The following ABCC10 variants were observed in gnomAD, a reference collection of about 807,000 sequenced individuals.
ABCC10 encodes the protein ATP-binding cassette sub-family C member 10.
A neutral mutation model predicts 143.2 loss-of-function variants in ABCC10; 110 were observed. That is an observed-to-expected ratio of 0.77 (90% CI 0.66 to 0.90). The LOEUF (loss-of-function observed/expected upper bound fraction) is 0.90, where lower values mean the gene tolerates loss of function less well. Among genes scored for constraint, ABCC10 ranks in the 40% least tolerant of loss-of-function variants. The probability of loss-of-function intolerance (pLI) is 0.00; values close to 1 mark genes in which losing one functional copy is unlikely to be tolerated. For synonymous variants in ABCC10, 805 were observed against 846.7 expected (o/e 0.95, Z 0.85); for missense variants, 1,700 against 1,900.5 (o/e 0.89, Z 1.96).
chr6:43,443,780 C>T lies in ABCC10; in HGVS notation c.2417-153C>T, dbSNP rs1239692276. ...AGCAGGGTGGGTTAGAGAGGGAGGC[C>T]TAAGAGTCCTGCTCGAGGTCTAGGG... is the stretch of plus-strand genomic sequence containing the variant. On this transcript the variant is annotated intron_variant, in intron 10 of 21. Coordinates refer to ENST00000372530, the MANE Select transcript of ABCC10 (RefSeq NM_001198934.2). The surrounding 1 kb of genome is among the most constrained non-coding windows in gnomAD (Gnocchi z 4.2). The T allele has an allele frequency of 2.7e-6, 2 of 748,600 alleles. No individual in the cohort carries two copies. Among genetic ancestry groups the T allele is most frequent in the Non-Finnish European group, 4.6e-6 (2 of 435,488 alleles). 46.4% of individuals were successfully genotyped at this position (748,600 alleles called of 1,614,324 possible). A position where few individuals can be genotyped will look rare whatever the true frequency, so the allele number is the denominator to read the frequency against.
chr6:43,444,180 A>C lies in ABCC10; in HGVS notation c.2516A>C (p.Asn839Thr). The change falls in exon 12 of 22, where the codon AAC (asparagine) becomes ACC (threonine). Residue 839 changes from asparagine (N) to threonine (T), a missense_variant. By Grantham distance (65) the Asn-to-Thr change is moderately conservative. Coordinates refer to ENST00000372530, the MANE Select transcript of ABCC10 (RefSeq NM_001198934.2). The part of the protein sequence containing the change: ...SDSATAQSVQ[N>T]PEKTKEGLEE... Reference sequence around the variant, plus strand: ...ACAGCCACAGCCCAGTCAGTACAGAACCCAGAGAAAACAAAGGAGGGGCTG... The same window carrying C: ...ACAGCCACAGCCCAGTCAGTACAGACCCCAGAGAAAACAAAGGAGGGGCTG... The C allele has an allele frequency of 5.0e-6, 8 of 1,613,812 alleles. No individual in the cohort carries two copies. The highest frequency in any genetic ancestry group is 6.8e-6 in the Non-Finnish European group (8 of 1,179,846).
Position 43,435,748 on chromosome 6 carries a change from CAG to C in ABCC10, c.1609-2_1609-1del, listed in dbSNP as rs748974023. The C allele has an allele frequency of 6.2e-7, 1 of 1,613,988 alleles. No homozygotes were observed. Among genetic ancestry groups the C allele is most frequent in the Non-Finnish European group, 8.5e-7 (1 of 1,179,896 alleles). On this transcript the variant is annotated splice_acceptor_variant, in intron 4 of 21. Coordinates refer to ENST00000372530, the MANE Select transcript of ABCC10 (RefSeq NM_001198934.2). LOFTEE classifies it high-confidence loss of function. ...GGCTTCACCCTGCACCCACCTCACTCAGGTGTTCACGGCCCTGGCACTGGTGC... is the reference window on the plus strand; with the variant it reads ...GGCTTCACCCTGCACCCACCTCACTCGTGTTCACGGCCCTGGCACTGGTGC...
intron 8 of ABCC10, among the ~76,000 whole-genome samples, chr6:43,440,543 G>A (rs1782284853): frequency 1.3e-5 from 2 of 151,980 alleles, no homozygotes; most frequent in South Asian, 2.1e-4. Context: ...AGGGTGGATC[G>A]CTTGAGGTCA....
At chr6:43,440,564 A>G (rs13215213) in intron 8 of ABCC10, among the ~76,000 whole-genome samples, 2 of 151,984 alleles carry the variant, frequency 1.3e-5, no homozygotes, top group Non-Finnish European at 1.5e-5. Flanking sequence ...GGAGTTCAAG[A>G]CCACCCAGGG....
Position 43,444,030 on chromosome 6 carries a change from G to C in ABCC10, c.2494+20G>C. On this transcript the variant is annotated intron_variant, in intron 11 of 21. Transcript: ENST00000372530. ...ACTCAGGTATGGCTCCCCAGTGGGA[G>C]AAAAGGGCTTGCTTTTCCCTGCCAC... 6.2e-7 allele frequency: 1 copy of C among 1,612,350 alleles called. No individual in the cohort carries two copies. The highest frequency in any genetic ancestry group is 8.5e-7 in the Non-Finnish European group (1 of 1,178,320).
chr6:43,445,007 T>C (rs762171478), intron 13 of ABCC10, 69 bp downstream of exon 13: 136 of 1,580,490 alleles, frequency 8.6e-5, no homozygotes, highest in Non-Finnish European at 1.1e-4. Flanking sequence ...GTGAGGGTTG[T>C]GGCCGGTATT....
At chr6:43,427,781 C>T (rs566841132) in intron 1 of ABCC10, 24 bp downstream of exon 1, 221 of 641,266 alleles carry the variant, frequency 3.4e-4, no homozygotes, top group Non-Finnish European at 4.7e-4. Flanking sequence ...GTCCAGAAAT[C>T]CACTGGGGAA....
Position 43,448,978 on chromosome 6 carries a change from T to C in ABCC10, c.4057T>C (p.Trp1353Arg). 6.2e-7 allele frequency: 1 copy of C among 1,614,200 alleles called. No individual in the cohort carries two copies. Among genetic ancestry groups the C allele is most frequent in the South Asian group, 1.1e-5 (1 of 91,086 alleles). ...PQGLHKDRAL[W>R]QALKQCHLSE... Reference sequence around the variant, plus strand: ...GGGCCTACATAAGGACAGGGCCTTGTGGCAGGCCCTGAAGCAGTGCCACCT... The same window carrying C: ...GGGCCTACATAAGGACAGGGCCTTGCGGCAGGCCCTGAAGCAGTGCCACCT... The change falls in exon 19 of 22, where the codon TGG becomes CGG. Residue 1353 changes from tryptophan (W) to arginine (R), a missense_variant. Transcript: ENST00000372530.
downstream of ABCC10, chr6:43,450,606 A>G: frequency 6.2e-7 from 1 of 1,605,188 alleles, no homozygotes; most frequent in South Asian, 1.1e-5. This position sits in a 1 kb window ranked among gnomAD's most constrained non-coding sequence, Gnocchi z 4.5. Flanking sequence ...TGCTGGCAGC[A>G]TGCTAACCTG....
chr6:43,450,597 G>C, downstream of ABCC10: 1 of 1,596,808 alleles, frequency 6.3e-7, no homozygotes, highest in Non-Finnish European at 8.5e-7. The surrounding 1 kb of genome is among the most constrained non-coding windows in gnomAD (Gnocchi z 4.5). Context: ...GGGGAGCCCT[G>C]CTGGCAGCAT....
chr6:43,435,051 TCTC>T, intron 4 of ABCC10: 1 of 587,348 alleles, frequency 1.7e-6, no homozygotes. Context: ...CTTTCTTTCC[TCTC>T]CTCTACCTTT....
At position 43,447,363 on chromosome 6, in the gene ABCC10, G is replaced by C; in HGVS notation, c.3660G>C (p.Glu1220Asp). 3.1e-6 allele frequency: 5 copies of C among 1,613,178 alleles called. No homozygotes were observed. The highest frequency in any genetic ancestry group is 4.2e-6 in the Non-Finnish European group (5 of 1,179,986). ...TGGTGAGCGTCGAGCGGCTGGAAGA[G>C]TACACCTGTGACCTGCCCCAGGAAC... ...AMLVSVERLE[E>D]YTCDLPQEPQ... is the part of the protein sequence containing the mutation. Residue 1220 changes from glutamate to aspartate, a missense_variant, in exon 17 of 22, where the codon GAG becomes GAC. By Grantham distance (45) the Glu-to-Asp change is conservative. Transcript: ENST00000372530.
chr6:43,440,823 C>T (rs1172838098), intron 8 of ABCC10, among the ~76,000 whole-genome samples: 1 of 130,988 alleles, frequency 7.6e-6, no homozygotes, highest in African/African-American at 2.8e-5. Flanking sequence ...AAGATCGCGC[C>T]ATTGTACTCC....
At chr6:43,429,521 C>T (rs9472049) in intron 2 of ABCC10, among the ~76,000 whole-genome samples, 57,413 of 151,588 alleles carry the variant, frequency 0.38, 13,354 homozygotes, top group East Asian at 0.63. Flanking sequence ...CAGCCTCAAC[C>T]TCCTGGGCTC....
intron 2 of ABCC10, among the ~76,000 whole-genome samples, chr6:43,429,242 CT>C (rs34618250): frequency 0.88 from 133,310 of 152,074 alleles, 58,534 homozygotes; most frequent in East Asian, 0.95. Context: ...GGTGATGAGG[CT>C]GGTTGATGGC....
chr6:43,447,536 A>G (rs1783236401), intron 17 of ABCC10, 128 bp downstream of exon 17: 2 of 1,551,232 alleles, frequency 1.3e-6, no homozygotes, highest in East Asian at 2.3e-5. Context: ...GATGACCACA[A>G]TTCTTCACCA....
At chr6:43,442,121 C>G (rs769550641) in intron 9 of ABCC10, 161 bp downstream of exon 9, 1 of 588,302 alleles carries the variant, frequency 1.7e-6, no homozygotes, top group South Asian at 2.0e-5. Flanking sequence ...TCCCCTTTTG[C>G]AGATTTAAGG....
Position 43,450,403 on chromosome 6 carries a change from TA to T in ABCC10, c.*319del. 1.8e-6 allele frequency: 2 copies of T among 1,106,518 alleles called. No individual in the cohort carries two copies. Among genetic ancestry groups the T allele is most frequent in the Non-Finnish European group, 2.5e-6 (2 of 803,622 alleles). The allele number at this position is 1,106,518 out of a possible 1,614,324, so 68.5% of individuals were successfully genotyped here. A position where few individuals can be genotyped will look rare whatever the true frequency, so the allele number is the denominator to read the frequency against. On this transcript the variant is annotated 3_prime_UTR_variant, in exon 22 of 22. Transcript: ENST00000372530. This position sits in a 1 kb window ranked among gnomAD's most constrained non-coding sequence, Gnocchi z 4.5. Reference sequence around the variant, plus strand: ...AAATTCCATCTTACATTCTGTGTATTAAAAAAATAATATTTCTGGTGTGAGG... The same window carrying T: ...AAATTCCATCTTACATTCTGTGTATTAAAAAATAATATTTCTGGTGTGAGG...
At chr6:43,437,433 C>CAAAAAAAAAAAAAAAAAAAAAAA (rs57827467) in intron 6 of ABCC10, among the ~76,000 whole-genome samples, 1 of 102,412 alleles carries the variant, frequency 9.8e-6, no homozygotes, top group African/African-American at 6.4e-5. Flanking sequence ...AACATATGAC[C>CAAAAAAAAAAAAAAAAAAAAAAA]AAAAAAAAAA....
Sources: gnomAD v4.1 joint callset for allele counts (sites outside exome capture counted in the v4.1 genomes callset) on GRCh38, gnomAD v4.1.1 for gene constraint, Gnocchi (gnomAD v3.1) non-coding constraint, MANE v1.5 for transcripts, NCBI Gene and HGNC (gene_info 2026-07-23, HGNC 2026-07-21) for gene names.